The following KIF3B variants were observed in gnomAD, a reference collection of about 807,000 sequenced individuals.
KIF3B encodes the protein kinesin family member 3B, also known as kinesin-like protein KIF3B.
KIF3B carries 38 observed loss-of-function variants against 74.3 expected under a neutral mutation model. The ratio of observed to expected loss-of-function variants is 0.51; its 90% CI spans 0.39 to 0.67. The LOEUF is 0.67. KIF3B is among the 30% of genes least tolerant of loss of function. The pLI is 0.00. For missense variants in KIF3B, 649 were observed against 932.0 expected, an observed-to-expected ratio of 0.70 and a Z score of 3.95; for synonymous variants, 326 against 342.5, an observed-to-expected ratio of 0.95 and a Z score of 0.53.
chr20:32,300,073 CCTGTT>C (rs1294481895), intron 1 of KIF3B, among the ~76,000 whole-genome samples: 64 of 142,828 alleles, frequency 4.5e-4, no homozygotes, highest in Non-Finnish European at 8.5e-4. Flanking sequence ...GCCACACTGG[CCTGTT>C]TTGTTTTGTT....
chr20:32,317,098 G>T lies in KIF3B; in HGVS notation c.1748+224G>T, dbSNP rs552862483. Among the ~76,000 whole-genome samples the T allele has an allele frequency of 7.5e-5, 11 of 145,764 alleles. No individual in the cohort carries two copies. The Middle Eastern group carries it at 0.014, about 182-fold the overall frequency. On this transcript the variant is annotated intron_variant, in intron 5 of 8. Transcript: ENST00000375712. ...TAAGAAATACAAAAATTAGCTGGGC[G>T]TGGTGGTGCATGCCTGTAGTCCTAG...
Position 32,309,926 on chromosome 20 carries a change from C to G in KIF3B, c.149C>G (p.Ala50Gly). 1 of 1,614,108 alleles carries G rather than the reference C, an allele frequency of 6.2e-7. No homozygotes were observed. The highest frequency in any genetic ancestry group is 8.5e-7 in the Non-Finnish European group (1 of 1,180,030). Reference sequence around the variant, plus strand: ...TCTGTGAAGAACCCCAAAGGGACGGCCCATGAAATGCCCAAGACCTTCACC... The same window carrying G: ...TCTGTGAAGAACCCCAAAGGGACGGGCCATGAAATGCCCAAGACCTTCACC... ...QVSVKNPKGT[A>G]HEMPKTFTFD... Residue 50 changes from alanine (A) to glycine (G), a missense_variant, in exon 2 of 9, where the codon GCC becomes GGC. Coordinates refer to ENST00000375712, the MANE Select transcript of KIF3B (RefSeq NM_004798.4).
chr20:32,311,262 A>G, intron 2 of KIF3B, 81 bp downstream of exon 2: 1 of 1,402,068 alleles, frequency 7.1e-7, no homozygotes, highest in Non-Finnish European at 9.5e-7. Flanking sequence ...AAACATAACC[A>G]TATGAGGGAT....
At chr20:32,300,402 C>T (rs911179056) in intron 1 of KIF3B, among the ~76,000 whole-genome samples, 6 of 152,054 alleles carry the variant, frequency 3.9e-5, no homozygotes, top group Non-Finnish European at 7.4e-5. Flanking sequence ...CTCAGCCTCC[C>T]GAGTAGCTGG....
chr20:32,327,741 C>CA, intron 7 of KIF3B, 80 bp downstream of exon 7: 2 of 954,682 alleles, frequency 2.1e-6, no homozygotes, highest in South Asian at 2.8e-5. Flanking sequence ...CTATTCCACT[C>CA]AGAGTTCATA....
chr20:32,286,352 C>G (rs1452747320), intron 1 of KIF3B, among the ~76,000 whole-genome samples: 5 of 152,056 alleles, frequency 3.3e-5, no homozygotes. Context: ...TAACACATTT[C>G]AGAACATAAG....
chr20:32,309,415 C>T (rs528403507), intron 1 of KIF3B, among the ~76,000 whole-genome samples: 23 of 152,168 alleles, frequency 1.5e-4, no homozygotes, highest in African/African-American at 5.5e-4. Context: ...AATTTCCCTG[C>T]CTCGGCCTCC....
chr20:32,323,626 C>G (rs1162214792), intron 5 of KIF3B, among the ~76,000 whole-genome samples: 1 of 152,050 alleles, frequency 6.6e-6, no homozygotes, highest in Non-Finnish European at 1.5e-5. Flanking sequence ...TACCTGTAAT[C>G]CCAGCACTTT....
intron 2 of KIF3B, among the ~76,000 whole-genome samples, chr20:32,312,269 AATTTTTT>A (rs1234189190): frequency 6.6e-6 from 1 of 150,992 alleles, no homozygotes; most frequent in Non-Finnish European, 1.5e-5. Flanking sequence ...TGCCTGGCTA[AATTTTTT>A]AAATTTTTTG....
intron 1 of KIF3B, among the ~76,000 whole-genome samples, chr20:32,279,142 C>T (rs191412530): frequency 9.9e-5 from 15 of 152,030 alleles, no homozygotes; most frequent in African/African-American, 3.6e-4. Flanking sequence ...TGGCTGGTCT[C>T]GAACTCCTGG....
intron 5 of KIF3B, among the ~76,000 whole-genome samples, chr20:32,324,689 G>C (rs2047893981): frequency 1.3e-5 from 2 of 152,112 alleles, no homozygotes; most frequent in Non-Finnish European, 2.9e-5. Context: ...AGTTTTCAAA[G>C]GGATTCTTTT....
At chr20:32,318,682 A>T (rs1040486801) in intron 5 of KIF3B, among the ~76,000 whole-genome samples, 1 of 152,222 alleles carries the variant, frequency 6.6e-6, no homozygotes, top group African/African-American at 2.4e-5. Flanking sequence ...ATGACTGAAT[A>T]ATATTGCACT....
At chr20:32,299,553 A>T (rs547116780) in intron 1 of KIF3B, among the ~76,000 whole-genome samples, 1 of 150,586 alleles carries the variant, frequency 6.6e-6, no homozygotes, top group East Asian at 2.0e-4. Flanking sequence ...CTGGGATTAC[A>T]GCGCATCGCA....
At chr20:32,313,701 ATTTTG>A (rs11472947) in intron 2 of KIF3B, among the ~76,000 whole-genome samples, 50 of 150,746 alleles carry the variant, frequency 3.3e-4, no homozygotes, top group African/African-American at 1.2e-3. Context: ...CTGTGCCCAT[ATTTTG>A]TTTTGTTTTG....
chr20:32,334,741 G>T lies in KIF3B; in HGVS notation c.*3422G>T, dbSNP rs747974112. The T allele has an allele frequency of 2.6e-5, 4 of 152,192 alleles. No homozygotes were observed. Among genetic ancestry groups the T allele is most frequent in the Admixed American group, 6.5e-5 (1 of 15,272 alleles). 9.4% of individuals were successfully genotyped at this position (152,192 alleles called of 1,614,324 possible). On this transcript the variant is annotated 3_prime_UTR_variant, in exon 9 of 9. Coordinates refer to ENST00000375712, the MANE Select transcript of KIF3B (RefSeq NM_004798.4). Reference sequence around the variant, plus strand: ...ATCTGTCACCTTTCTGCCTGCCCTTGTTTCCTGAATGAAATGCTTCTGGGG... The same window carrying T: ...ATCTGTCACCTTTCTGCCTGCCCTTTTTTCCTGAATGAAATGCTTCTGGGG...
chr20:32,309,990 A>G lies in KIF3B; in HGVS notation c.213A>G (p.Glu71=). The stretch of plus-strand genomic sequence containing the variant: ...ATGACTGGAATGCCAAGCAGTTTGA[A>G]CTGTACGATGAGACGTTCCGACCAC... ...AVYDWNAKQF[E]LYDETFRPLV... is the part of the protein sequence containing the mutation. Residue 71 remains glutamate, a synonymous_variant, in exon 2 of 9, where the codon GAA becomes GAG. Transcript: ENST00000375712. 3 of 1,614,142 alleles carry G rather than the reference A, an allele frequency of 1.9e-6. No individual in the cohort carries two copies. Among genetic ancestry groups the G allele is most frequent in the Non-Finnish European group, 2.5e-6 (3 of 1,180,030 alleles).
intron 5 of KIF3B, among the ~76,000 whole-genome samples, chr20:32,318,855 G>T (rs2047841836): frequency 6.6e-6 from 1 of 152,160 alleles, no homozygotes. Context: ...GAGTGGAATT[G>T]CTGGGTCATA....
intron 5 of KIF3B, among the ~76,000 whole-genome samples, chr20:32,323,093 T>TA (rs2047882127): frequency 5.7e-5 from 7 of 122,142 alleles, no homozygotes; most frequent in African/African-American, 2.3e-4. Flanking sequence ...TATATTTATA[T>TA]TTATATATTT....
intron 1 of KIF3B, among the ~76,000 whole-genome samples, chr20:32,308,443 C>T (rs2047783205): frequency 6.6e-6 from 1 of 152,152 alleles, no homozygotes; most frequent in African/African-American, 2.4e-5. Flanking sequence ...CAGAGTCTTG[C>T]TCTGTCCTCC....
Sources: gnomAD v4.1 joint callset for allele counts (sites outside exome capture counted in the v4.1 genomes callset) on GRCh38, gnomAD v4.1.1 for gene constraint, MANE v1.5 for transcripts, NCBI Gene and HGNC (gene_info 2026-07-23, HGNC 2026-07-21) for gene names.